The following APLF variants were observed in gnomAD, a reference collection of about 807,000 sequenced individuals.
APLF encodes the protein aprataxin and PNKP like factor.
Under a neutral mutation model 55.6 loss-of-function variants are expected in APLF, and 61 were observed. The observed-to-expected ratio is 1.10, with a 90% CI of 0.89 to 1.36. APLF has a LOEUF of 1.36. Ranked by LOEUF, APLF falls within the 40% of genes most tolerant of loss-of-function variation. The probability of loss-of-function intolerance (pLI) is 0.00; values close to 1 mark genes in which losing one functional copy is unlikely to be tolerated. For synonymous variants in APLF, 207 were observed against 214.8 expected, an observed-to-expected ratio of 0.96 and a Z score of 0.32; for missense variants, 611 against 602.5, an observed-to-expected ratio of 1.01 and a Z score of -0.15.
chr2:68,514,808 G>C (rs1470057903), intron 5 of APLF, among the ~76,000 whole-genome samples: 2 of 151,782 alleles, frequency 1.3e-5, no homozygotes, highest in African/African-American at 4.8e-5. Context: ...ATAGATTATA[G>C]TTAATTTTCA....
chr2:68,522,956 G>A (rs1669936397), intron 5 of APLF, among the ~76,000 whole-genome samples: 1 of 151,726 alleles, frequency 6.6e-6, no homozygotes, highest in East Asian at 1.9e-4. Flanking sequence ...AAGATGATAG[G>A]GAACCTGGAA....
intron 5 of APLF, among the ~76,000 whole-genome samples, chr2:68,517,506 CTATATATTAA>C (rs1669651769): frequency 7.2e-6 from 1 of 139,680 alleles, no homozygotes; most frequent in African/African-American, 2.6e-5. Context: ...TATGTTATCA[CTATATATTAA>C]TATATCAATA....
In APLF at chr2:68,529,411, T is replaced by C; in HGVS notation, c.804+3169T>C. 1.6e-6 allele frequency: 2 copies of C among 1,250,196 alleles called. No homozygotes were observed. Among genetic ancestry groups the C allele is most frequent in the South Asian group, 2.6e-5 (1 of 38,468 alleles). The allele number at this position is 1,250,196 out of a possible 1,614,324, so 77.4% of individuals were successfully genotyped here. On this transcript the variant is annotated intron_variant, in intron 6 of 9. Transcript: ENST00000303795. This position sits in a 1 kb window ranked among gnomAD's most constrained non-coding sequence, Gnocchi z 4.4. Reference sequence around the variant, plus strand: ...CAAGACGAGCAGGTTGCCGATGGCATGGCCAGGACCTGCGGCGGAACCAGG... The same window carrying C: ...CAAGACGAGCAGGTTGCCGATGGCACGGCCAGGACCTGCGGCGGAACCAGG...
At chr2:68,498,037 C>G (rs1487462404) in intron 2 of APLF, among the ~76,000 whole-genome samples, 1 of 152,154 alleles carries the variant, frequency 6.6e-6, no homozygotes, top group Non-Finnish European at 1.5e-5. Flanking sequence ...GCACTGTCTA[C>G]AAGGTGCAAT....
At chr2:68,553,982 G>A (rs11678096) in intron 8 of APLF, among the ~76,000 whole-genome samples, 1 of 151,846 alleles carries the variant, frequency 6.6e-6, no homozygotes, top group African/African-American at 2.4e-5. Context: ...TATACACCTA[G>A]GTGATCTCAG....
At chr2:68,573,662 G>A (rs1306123974) in intron 9 of APLF, among the ~76,000 whole-genome samples, 2 of 133,526 alleles carry the variant, frequency 1.5e-5, no homozygotes. Context: ...AACAAAGCGA[G>A]ACCTTGTCTC....
chr2:68,513,564 A>G lies in APLF; in HGVS notation c.506A>G (p.Asn169Ser). 1.2e-6 allele frequency: 2 copies of G among 1,611,086 alleles called. No homozygotes were observed. Among genetic ancestry groups the G allele is most frequent in the Non-Finnish European group, 1.7e-6 (2 of 1,178,128 alleles). Residue 169 changes from asparagine (N) to serine (S), a missense_variant, in exon 5 of 10, where the codon AAT becomes AGT. Transcript: ENST00000303795. ...PTNSVSFLGENRDCNKQQPIL... is the reference protein window; with the variant it reads ...PTNSVSFLGESRDCNKQQPIL... The stretch of plus-strand genomic sequence containing the variant: ...TCTTTTTAGTCTTTCCTAGGTGAAA[A>G]TAGAGACTGCAATAAGCAGCAGCCA...
Position 68,502,922 on chromosome 2 carries a change from G to A in APLF, c.341+19G>A. ...CCTTAAGGTAAGTGCCTGATGAAATGAGAGTAAGAATGTTATTTTTAATCT... is the reference window on the plus strand; with the variant it reads ...CCTTAAGGTAAGTGCCTGATGAAATAAGAGTAAGAATGTTATTTTTAATCT... On this transcript the variant is annotated intron_variant, in intron 3 of 9. Transcript: ENST00000303795. The A allele has an allele frequency of 6.3e-7, 1 of 1,588,632 alleles. No individual in the cohort carries two copies. Among genetic ancestry groups the A allele is most frequent in the South Asian group, 1.2e-5 (1 of 86,176 alleles).
In APLF at chr2:68,578,058, AC is replaced by A. The variant is rs1671667316; in HGVS notation, c.*37del. 1 of 1,584,226 alleles carries A rather than the reference AC, an allele frequency of 6.3e-7. No individual in the cohort carries two copies. The highest frequency in any genetic ancestry group is 8.6e-7 in the Non-Finnish European group (1 of 1,166,514). On this transcript the variant is annotated 3_prime_UTR_variant, in exon 10 of 10. Transcript: ENST00000303795. ...CTGTAGTCATATCTGCCTTACATTT[AC>A]TTTTTCTTTGTGGGAAAACATTTAT... is the stretch of plus-strand genomic sequence containing the variant.
intron 1 of APLF, among the ~76,000 whole-genome samples, chr2:68,474,625 A>G (rs1675717286): frequency 6.6e-6 from 1 of 152,158 alleles, no homozygotes; most frequent in Admixed American, 6.5e-5. Context: ...ATACTTTTGT[A>G]TGAGTTCCTT....
rs746498416 is a variant in APLF at position 68,513,109 on chromosome 2, T to C, written c.371T>C (p.Ile124Thr). The C allele has an allele frequency of 1.1e-5, 17 of 1,610,052 alleles. No individual in the cohort carries two copies. Among genetic ancestry groups the C allele is most frequent in the Middle Eastern group, 1.6e-4 (1 of 6,064 alleles). ...AGTCAAGTGCTTGATGAAGATAATA[T>C]ATTGAATGAAACACCAAAATCCCCC... ...RNSQVLDEDNILNETPKSPVI... is the reference protein window; with the variant it reads ...RNSQVLDEDNTLNETPKSPVI... The change falls in exon 4 of 10, where the codon ATA becomes ACA. Residue 124 changes from isoleucine to threonine, a missense_variant. Coordinates refer to ENST00000303795, the MANE Select transcript of APLF (RefSeq NM_173545.3).
Position 68,578,532 on chromosome 2 carries a change from A to T in APLF, c.*510A>T. Reference sequence around the variant, plus strand: ...CCTTAGATGTGAGCTTTGCAATTTCACTTACTACTTTTATCCTTCAAAACT... The same window carrying T: ...CCTTAGATGTGAGCTTTGCAATTTCTCTTACTACTTTTATCCTTCAAAACT... On this transcript the variant is annotated 3_prime_UTR_variant, in exon 10 of 10. Transcript: ENST00000303795. 1.0e-6 allele frequency: 1 copy of T among 985,746 alleles called. No homozygotes were observed. Among genetic ancestry groups the T allele is most frequent in the Non-Finnish European group, 1.2e-6 (1 of 830,292 alleles). The allele number at this position is 985,746 out of a possible 1,614,324, so 61.1% of individuals were successfully genotyped here. A position where few individuals can be genotyped will look rare whatever the true frequency, so the allele number is the denominator to read the frequency against.
At chr2:68,561,961 G>A (rs1055882198) in intron 8 of APLF, among the ~76,000 whole-genome samples, 2 of 151,996 alleles carry the variant, frequency 1.3e-5, no homozygotes, top group African/African-American at 2.4e-5. Context: ...TAAACTTCTG[G>A]TTTGTGTTGC....
At chr2:68,494,851 G>A (rs1387305326) in intron 2 of APLF, among the ~76,000 whole-genome samples, 1 of 152,138 alleles carries the variant, frequency 6.6e-6, no homozygotes, top group Non-Finnish European at 1.5e-5. Context: ...TTTCATGGCT[G>A]CAGAGTATTC....
chr2:68,562,784 A>T (rs72903924), intron 8 of APLF, among the ~76,000 whole-genome samples: 1 of 152,012 alleles, frequency 6.6e-6, no homozygotes, highest in East Asian at 1.9e-4. Context: ...CACTGAGATT[A>T]TGAAGGACCT....
chr2:68,493,322 GT>G (rs1676428207), intron 2 of APLF, among the ~76,000 whole-genome samples: 1 of 151,736 alleles, frequency 6.6e-6, no homozygotes, highest in African/African-American at 2.4e-5. Context: ...ACAGTTATCT[GT>G]TTGGAAAAAA....
chr2:68,467,646 C>G lies in APLF; in HGVS notation c.-86C>G. On this transcript the variant is annotated 5_prime_UTR_variant, in exon 1 of 10. Transcript: ENST00000303795. ...CCTCCCTCGGTGTTTTTTCCCAGGG[C>G]GTGGGCTTGCCCCGCGCGTGTCTGT... 1 of 1,110,260 alleles carries G rather than the reference C, an allele frequency of 9.0e-7. No individual in the cohort carries two copies. The allele number at this position is 1,110,260 out of a possible 1,614,324, so 68.8% of individuals were successfully genotyped here. A position where few individuals can be genotyped will look rare whatever the true frequency, so the allele number is the denominator to read the frequency against.
intron 2 of APLF, among the ~76,000 whole-genome samples, chr2:68,498,323 A>G (rs1355265019): frequency 6.6e-6 from 1 of 152,244 alleles, no homozygotes; most frequent in Non-Finnish European, 1.5e-5. Context: ...ATGTTTTGTT[A>G]TGATGATCCC....
At chr2:68,518,075 G>A (rs1382177269) in intron 5 of APLF, among the ~76,000 whole-genome samples, 5 of 128,814 alleles carry the variant, frequency 3.9e-5, no homozygotes, top group South Asian at 4.8e-4. Flanking sequence ...TATATCATTA[G>A]TATATAATAT....
Sources: gnomAD v4.1 joint callset for allele counts (sites outside exome capture counted in the v4.1 genomes callset) on GRCh38, gnomAD v4.1.1 for gene constraint, Gnocchi (gnomAD v3.1) non-coding constraint, MANE v1.5 for transcripts, NCBI Gene and HGNC (gene_info 2026-07-23, HGNC 2026-07-21) for gene names.